Variants in AKAP13 observed in about 807,000 individuals in gnomAD.
The protein encoded by AKAP13 is A-kinase anchoring protein 13.
Under a neutral mutation model 264.5 loss-of-function variants are expected in AKAP13, and 80 were observed. That is an observed-to-expected ratio of 0.30 (90% CI 0.25 to 0.36). The LOEUF (loss-of-function observed/expected upper bound fraction) is 0.36. Ranked by LOEUF, AKAP13 falls within the 10% of genes least tolerant of loss-of-function variation. The pLI is 1.00. For synonymous variants in AKAP13, 1,380 were observed against 1,250.2 expected (o/e 1.10, Z -2.19); for missense variants, 3,712 against 3,435.2 (o/e 1.08, Z -2.01).
At chr15:85,665,142 G>A (rs915114502) in intron 13 of AKAP13, among the ~76,000 whole-genome samples, 1 of 152,182 alleles carries the variant, frequency 6.6e-6, no homozygotes, top group African/African-American at 2.4e-5. Context: ...GTTTAAGGCT[G>A]CATTGAGTTG....
chr15:85,711,951 G>C lies in AKAP13; in HGVS notation c.5599+1306G>C, dbSNP rs902150305. 4.6e-5 allele frequency among the ~76,000 whole-genome samples: 7 copies of C among 152,170 alleles called. 1 individual carries two copies. Among genetic ancestry groups the C allele is most frequent in the Admixed American group, 3.9e-4 (6 of 15,284 alleles). ...GGGCTCAAGAAATCCCCTCACCTCA[G>C]ATTCCTGAGTTGCTGGCACTCCAGG... On this transcript the variant is annotated intron_variant, in intron 19 of 36. Coordinates refer to ENST00000394518, the MANE Select transcript of AKAP13 (RefSeq NM_007200.5).
At chr15:85,732,240 G>T (rs2151755344) in intron 30 of AKAP13, among the ~76,000 whole-genome samples, 1 of 152,234 alleles carries the variant, frequency 6.6e-6, no homozygotes, top group African/African-American at 2.4e-5. Context: ...ATAGTAAGTT[G>T]TTCCAGGCTC....
intron 1 of AKAP13, among the ~76,000 whole-genome samples, chr15:85,484,682 T>C (rs958211354): frequency 3.3e-5 from 5 of 152,214 alleles, no homozygotes; most frequent in African/African-American, 4.8e-5. Context: ...TCTGTGAGGA[T>C]TGTAATATCG....
intron 16 of AKAP13, among the ~76,000 whole-genome samples, chr15:85,692,838 T>C (rs1166818598): frequency 1.3e-5 from 2 of 152,176 alleles, no homozygotes; most frequent in Non-Finnish European, 2.9e-5. Flanking sequence ...CCCAGGCATC[T>C]TTTTTTCCCT....
At chr15:85,486,767 C>G (rs1363063937) in intron 2 of AKAP13, among the ~76,000 whole-genome samples, 1 of 112,850 alleles carries the variant, frequency 8.9e-6, no homozygotes, top group African/African-American at 3.4e-5. Flanking sequence ...TGGATGGAGT[C>G]TGGCTCTGTT....
At chr15:85,634,914 C>T (rs2082009692) in intron 8 of AKAP13, among the ~76,000 whole-genome samples, 1 of 149,950 alleles carries the variant, frequency 6.7e-6, no homozygotes, top group African/African-American at 2.5e-5. Context: ...TTCATTTCTT[C>T]TTTCTATGAA....
chr15:85,517,553 A>C (rs1258220575), intron 2 of AKAP13, among the ~76,000 whole-genome samples: 3 of 152,210 alleles, frequency 2.0e-5, no homozygotes, highest in African/African-American at 4.8e-5. Flanking sequence ...TAATATATAA[A>C]GGAAGTTACA....
chr15:85,552,019 T>A (rs1190970545), intron 5 of AKAP13, among the ~76,000 whole-genome samples: 1 of 152,186 alleles, frequency 6.6e-6, no homozygotes, highest in Non-Finnish European at 1.5e-5. Flanking sequence ...AGAAAAAAAC[T>A]AGGTGTGTTG....
intron 9 of AKAP13, among the ~76,000 whole-genome samples, chr15:85,639,837 C>T (rs1027963491): frequency 4.6e-5 from 7 of 152,276 alleles, no homozygotes; most frequent in Non-Finnish European, 8.8e-5. Flanking sequence ...ATGCCTGGGT[C>T]CTACCTCCAG....
Position 85,693,401 on chromosome 15 carries a change from G to C in AKAP13, c.5414G>C (p.Cys1805Ser). Residue 1805 changes from cysteine (C) to serine (S), a missense_variant, in exon 17 of 37, where the codon TGT becomes TCT. By Grantham distance (112) the Cys-to-Ser change is moderately radical. Around this residue, in one of 3 missense-constraint regions of AKAP13, gnomAD observed 2,759 missense variants for 2,411.7 expected, o/e 1.14. Coordinates refer to ENST00000394518, the MANE Select transcript of AKAP13 (RefSeq NM_007200.5). ...SSIPVVGPISCSQCMKPFTNK... is the reference protein window; with the variant it reads ...SSIPVVGPISSSQCMKPFTNK... ...ATTCCTGTTGTGGGTCCCATCAGCT[G>C]TAGCCAGTGTATGAAGCCCTTCACC... 1 of 1,613,926 alleles carries C rather than the reference G, an allele frequency of 6.2e-7. No individual in the cohort carries two copies. Among genetic ancestry groups the C allele is most frequent in the Non-Finnish European group, 8.5e-7 (1 of 1,179,950 alleles).
intron 8 of AKAP13, among the ~76,000 whole-genome samples, chr15:85,617,929 G>A (rs944227932): frequency 5.3e-5 from 8 of 152,120 alleles, no homozygotes; most frequent in African/African-American, 1.7e-4. Context: ...AAATCGTCTT[G>A]TTTCTACTGT....
chr15:85,536,628 A>C (rs2077407914), intron 4 of AKAP13: 1 of 152,268 alleles, frequency 6.6e-6, no homozygotes, highest in South Asian at 2.1e-4. Flanking sequence ...ATACAGTGGA[A>C]TACTACTCAG....
intron 14 of AKAP13, among the ~76,000 whole-genome samples, chr15:85,671,648 T>C (rs338519): frequency 0.31 from 46,341 of 151,760 alleles, 7,596 homozygotes; most frequent in African/African-American, 0.42. Context: ...ATTTTTTTTT[T>C]TTTTTAATTT....
chr15:85,531,190 G>T (rs2151185610), intron 3 of AKAP13, among the ~76,000 whole-genome samples: 2 of 152,272 alleles, frequency 1.3e-5, no homozygotes, highest in South Asian at 4.1e-4. Context: ...TCTCCTTTGT[G>T]AAATCTTCCT....
At chr15:85,542,253 A>C (rs2151210111) in intron 4 of AKAP13, among the ~76,000 whole-genome samples, 1 of 152,320 alleles carries the variant, frequency 6.6e-6, no homozygotes, top group East Asian at 1.9e-4. Flanking sequence ...TCTGGGGCAT[A>C]ATCTTTCCAG....
intron 29 of AKAP13, among the ~76,000 whole-genome samples, chr15:85,729,224 G>A (rs529701635): frequency 3.3e-5 from 5 of 151,886 alleles, no homozygotes; most frequent in African/African-American, 1.2e-4. Flanking sequence ...GCTTGAACCC[G>A]GGAGGCAGAG....
At chr15:85,568,268 C>G (rs2078680937) in intron 5 of AKAP13, among the ~76,000 whole-genome samples, 1 of 151,202 alleles carries the variant, frequency 6.6e-6, no homozygotes, top group South Asian at 2.1e-4. Flanking sequence ...CCAGCACACT[C>G]CAGCATGAGT....
At chr15:85,537,152 T>C (rs2077428560) in intron 4 of AKAP13, among the ~76,000 whole-genome samples, 1 of 106,578 alleles carries the variant, frequency 9.4e-6, no homozygotes, top group Admixed American at 1.0e-4. Flanking sequence ...ATGATTAGAA[T>C]CTGGGAACAC....
At chr15:85,561,303 C>G (rs1018853788) in intron 5 of AKAP13, among the ~76,000 whole-genome samples, 6 of 152,166 alleles carry the variant, frequency 3.9e-5, no homozygotes, top group African/African-American at 1.4e-4. Context: ...GGTGATCCAC[C>G]TGCCTTGGCC....
Sources: gnomAD v4.1 joint callset for allele counts (sites outside exome capture counted in the v4.1 genomes callset) on GRCh38, gnomAD v4.1.1 for gene constraint, gnomAD v4.1.1 regional missense constraint, MANE v1.5 for transcripts, NCBI Gene and HGNC (gene_info 2026-07-23, HGNC 2026-07-21) for gene names.